SLC29A3: variants seen among roughly 807,000 people sequenced by gnomAD.
SLC29A3 encodes equilibrative nucleoside transporter 3.
SLC29A3 carries 18 observed loss-of-function variants against 25.4 expected under a neutral mutation model. The ratio of observed to expected loss-of-function variants is 0.71; its 90% CI spans 0.49 to 1.05. The LOEUF is 1.05. Ranked by LOEUF, SLC29A3 falls within the 50% of genes least tolerant of loss-of-function variation. SLC29A3 has a pLI of 0.00. For missense variants in SLC29A3, 586 were observed against 609.0 expected (o/e 0.96, Z 0.40); for synonymous variants, 258 against 267.1 (o/e 0.97, Z 0.33).
At chr10:71,356,018 G>A in intron 4 of SLC29A3, 63 bp from the exon 5 acceptor site, 4 of 1,587,976 alleles carry the variant, frequency 2.5e-6, no homozygotes, top group Non-Finnish European at 3.4e-6. Context: ...AGCAGGGAGG[G>A]GCCCGCAGCC....
chr10:71,324,302 C>T (rs1845917841), intron 2 of SLC29A3, among the ~76,000 whole-genome samples: 1 of 152,160 alleles, frequency 6.6e-6, no homozygotes. Context: ...TTCAGCCAAA[C>T]ATGGAAAATA....
intron 4 of SLC29A3, among the ~76,000 whole-genome samples, chr10:71,376,709 T>G (rs1038202390): frequency 2.0e-5 from 3 of 152,234 alleles, no homozygotes; most frequent in African/African-American, 4.8e-5. Flanking sequence ...CAAGTTTCCC[T>G]GAATGTATAT....
At chr10:71,376,354 C>A (rs1847251774) in intron 4 of SLC29A3, among the ~76,000 whole-genome samples, 1 of 151,714 alleles carries the variant, frequency 6.6e-6, no homozygotes, top group South Asian at 2.1e-4. Flanking sequence ...ATTGCAGGCT[C>A]TGGACTTGAC....
At chr10:71,331,307 G>C (rs937011151) in intron 2 of SLC29A3, among the ~76,000 whole-genome samples, 1 of 152,174 alleles carries the variant, frequency 6.6e-6, no homozygotes, top group African/African-American at 2.4e-5. Flanking sequence ...AGGATGGGGG[G>C]AGAGACAGAG....
intron 3 of SLC29A3, among the ~76,000 whole-genome samples, chr10:71,346,604 C>G (rs1846589731): frequency 6.6e-6 from 1 of 152,306 alleles, no homozygotes; most frequent in African/African-American, 2.4e-5. Flanking sequence ...ACTCAGTAGG[C>G]TGAGGCAGGA....
In SLC29A3 at chr10:71,362,504, C is replaced by T. The variant is rs908374895; in HGVS notation, c.1324C>T (p.Pro442Ser). The T allele has an allele frequency of 1.2e-6, 2 of 1,614,192 alleles. No homozygotes were observed. Among genetic ancestry groups the T allele is most frequent in the Middle Eastern group, 1.6e-4 (1 of 6,062 alleles). ...LALLYGPKIV[P>S]RELAEATGVV... ...CCTCCTCTACGGGCCTAAGATTGTG[C>T]CCAGGGAGCTGGCTGAGGCCACGGG... The change falls in exon 6 of 6, where the codon CCC becomes TCC. Residue 442 changes from proline to serine, a missense_variant. Physicochemically the swap from Pro to Ser is moderately conservative, Grantham distance 74. Transcript: ENST00000373189.
chr10:71,362,415 A>T lies in SLC29A3; in HGVS notation c.1235A>T (p.Asp412Val), dbSNP rs771819865. The change falls in exon 6 of 6, where the codon GAT (aspartate) becomes GTT (valine). Residue 412 changes from aspartate (D) to valine (V), a missense_variant. Coordinates refer to ENST00000373189, the MANE Select transcript of SLC29A3 (RefSeq NM_018344.6). ...CTGAAGACTGTGGTCTTCCAGTCCG[A>T]TGTGTACCCCGCACTCCTCAGCTCC... ...VHLKTVVFQS[D>V]VYPALLSSLL... is the part of the protein sequence containing the mutation. 6.2e-7 allele frequency: 1 copy of T among 1,614,094 alleles called. No individual in the cohort carries two copies. The highest frequency in any genetic ancestry group is 1.7e-5 in the Admixed American group (1 of 60,026).
intron 4 of SLC29A3, among the ~76,000 whole-genome samples, chr10:71,355,426 C>T (rs1400573026): frequency 1.3e-5 from 2 of 152,164 alleles, no homozygotes; most frequent in Non-Finnish European, 2.9e-5. Flanking sequence ...CTTGTGTGTG[C>T]ATGTAGGTGT....
intron 5 of SLC29A3, among the ~76,000 whole-genome samples, chr10:71,358,256 G>T (rs781627527): frequency 1.2e-4 from 18 of 152,188 alleles, no homozygotes; most frequent in Non-Finnish European, 2.2e-4. Context: ...CATGAGGAGA[G>T]TCACTTCGTT....
At chr10:71,339,636 T>C (rs1260557460) in intron 2 of SLC29A3, among the ~76,000 whole-genome samples, 1 of 152,130 alleles carries the variant, frequency 6.6e-6, no homozygotes, top group Admixed American at 6.5e-5. Flanking sequence ...CTGTTGGTGC[T>C]AAGGAAGCCT....
chr10:71,355,263 C>T (rs1172521317), intron 4 of SLC29A3, among the ~76,000 whole-genome samples: 2 of 152,210 alleles, frequency 1.3e-5, no homozygotes, highest in Non-Finnish European at 2.9e-5. Context: ...CACGTCCATC[C>T]GCCTGACTCC....
chr10:71,354,548 A>G (rs1194306192), intron 4 of SLC29A3, among the ~76,000 whole-genome samples: 1 of 152,208 alleles, frequency 6.6e-6, no homozygotes, highest in Non-Finnish European at 1.5e-5. Flanking sequence ...GATGGTGCGC[A>G]CGGTGGACGG....
intron 2 of SLC29A3, among the ~76,000 whole-genome samples, chr10:71,333,318 G>A (rs1846164116): frequency 1.3e-5 from 2 of 152,360 alleles, no homozygotes; most frequent in Admixed American, 1.3e-4. Context: ...GGAGGCAGAG[G>A]ACAGCTGCTG....
intron 5 of SLC29A3, among the ~76,000 whole-genome samples, chr10:71,357,522 A>G (rs1246963089): frequency 6.6e-6 from 1 of 152,104 alleles, no homozygotes; most frequent in African/African-American, 2.4e-5. Context: ...AAGTGCTAGG[A>G]TTACAGGCAT....
intron 2 of SLC29A3, among the ~76,000 whole-genome samples, chr10:71,330,710 A>G (rs1846097811): frequency 6.6e-6 from 1 of 152,234 alleles, no homozygotes; most frequent in South Asian, 2.1e-4. Flanking sequence ...CTCCTGCATG[A>G]GGACTTCACT....
At chr10:71,336,110 C>T (rs989765487) in intron 2 of SLC29A3, among the ~76,000 whole-genome samples, 5 of 152,210 alleles carry the variant, frequency 3.3e-5, no homozygotes, top group Non-Finnish European at 2.9e-5. Flanking sequence ...CTTGCTGCTG[C>T]TTTGGCATTT....
intron 3 of SLC29A3, among the ~76,000 whole-genome samples, chr10:71,374,547 A>G (rs1343074550): frequency 6.6e-6 from 1 of 152,158 alleles, no homozygotes. Flanking sequence ...TGTGGGAAGC[A>G]GGCCTGAGAA....
intron 5 of SLC29A3, among the ~76,000 whole-genome samples, chr10:71,357,825 A>T (rs1175055804): frequency 1.3e-5 from 2 of 152,100 alleles, no homozygotes; most frequent in African/African-American, 4.8e-5. Flanking sequence ...CCTATCCACT[A>T]TCTTATTTGA....
intron 2 of SLC29A3, among the ~76,000 whole-genome samples, chr10:71,343,170 A>T (rs3781318): frequency 2.0e-5 from 3 of 151,994 alleles, no homozygotes; most frequent in Non-Finnish European, 4.4e-5. Context: ...ACAGAGTCTC[A>T]CTATTTGCCC....
Sources: gnomAD v4.1 joint callset for allele counts (sites outside exome capture counted in the v4.1 genomes callset) on GRCh38, gnomAD v4.1.1 for gene constraint, MANE v1.5 for transcripts, NCBI Gene and HGNC (gene_info 2026-07-23, HGNC 2026-07-21) for gene names.